The following TTC6 variants were observed in gnomAD, a reference collection of about 807,000 sequenced individuals.
The protein encoded by TTC6 is tetratricopeptide repeat protein 6.
TTC6 carries 172 observed loss-of-function variants against 210.4 expected under a neutral mutation model. The observed-to-expected ratio is 0.82, with a 90% CI of 0.72 to 0.93. The LOEUF is 0.93. Ranked by LOEUF, TTC6 falls within the 40% of genes least tolerant of loss-of-function variation. The pLI, the probability that TTC6 is intolerant of heterozygous loss-of-function variation, is 0.00. For synonymous variants in TTC6, 804 were observed against 819.6 expected, an observed-to-expected ratio of 0.98 and a Z score of 0.32; for missense variants, 2,414 against 2,318.1, an observed-to-expected ratio of 1.04 and a Z score of -0.85.
intron 29 of TTC6, 46 bp from the exon 32 acceptor site, chr14:37,841,399 T>C (rs771342580): frequency 6.6e-6 from 10 of 1,506,804 alleles, no homozygotes; most frequent in African/African-American, 2.8e-5. Context: ...AATTTCTGTA[T>C]AGTAAGTTGC....
intron 1 of TTC6, among the ~76,000 whole-genome samples, chr14:37,635,738 G>A (rs561438434): frequency 1.3e-5 from 2 of 152,204 alleles, no homozygotes; most frequent in Non-Finnish European, 2.9e-5. Context: ...CAGCACTTTG[G>A]GAGGCTGAGG....
intron 14 of TTC6, among the ~76,000 whole-genome samples, chr14:37,759,925 T>G (rs1402435496): frequency 6.6e-6 from 1 of 152,180 alleles, no homozygotes; most frequent in African/African-American, 2.4e-5. Flanking sequence ...GGTGTTTAGC[T>G]TCCTTGCATT....
At chr14:37,680,164 T>C (rs2095779997) in exon 2 of TTC6, 4 of 1,527,022 alleles carry the variant, frequency 2.6e-6, no homozygotes, top group East Asian at 4.9e-5. Context: ...ATTTCTTTAA[T>C]GGGAAAAATG....
chr14:37,791,938 T>C (rs2096080625), intron 16 of TTC6, among the ~76,000 whole-genome samples: 1 of 152,172 alleles, frequency 6.6e-6, no homozygotes, highest in African/African-American at 2.4e-5. Context: ...GTAAAGACTC[T>C]TTAGTTGAGA....
At chr14:37,781,097 A>G (rs1041991324) in intron 14 of TTC6, among the ~76,000 whole-genome samples, 4 of 152,208 alleles carry the variant, frequency 2.6e-5, no homozygotes, top group African/African-American at 4.8e-5. Flanking sequence ...ATACGTGTGC[A>G]TGTGTCTTTA....
chr14:37,699,734 T>C (rs2095821303), intron 4 of TTC6, among the ~76,000 whole-genome samples: 1 of 152,088 alleles, frequency 6.6e-6, no homozygotes, highest in Admixed American at 6.6e-5. Context: ...AGAAACTCAG[T>C]TTTGCATTGG....
At chr14:37,732,868 A>G (rs1472837922) in intron 7 of TTC6, among the ~76,000 whole-genome samples, 1 of 123,848 alleles carries the variant, frequency 8.1e-6, no homozygotes, top group East Asian at 2.4e-4. Flanking sequence ...GGCCTCCCAA[A>G]GTGCTGGACT....
chr14:37,751,260 T>C, intron 13 of TTC6, 35 bp downstream of exon 15: 1 of 1,442,092 alleles, frequency 6.9e-7, no homozygotes, highest in Non-Finnish European at 9.2e-7. Context: ...ACCATTTATA[T>C]AGTTTAGATT....
At chr14:37,822,868 CT>C (rs1274362117) in intron 26 of TTC6, among the ~76,000 whole-genome samples, 1 of 152,108 alleles carries the variant, frequency 6.6e-6, no homozygotes, top group African/African-American at 2.4e-5. Flanking sequence ...CATAATTTTC[CT>C]TTCATGTGTA....
rs1409424663 is a variant in TTC6, at chr14:37,677,250, T to C, written c.940-2901T>C. 3.3e-5 allele frequency among the ~76,000 whole-genome samples: 5 copies of C among 152,226 alleles called. No homozygotes were observed. In the East Asian group the frequency reaches 9.6e-4, roughly 29 times the overall value. On this transcript the variant is annotated intron_variant, in intron 1 of 30. Coordinates refer to ENST00000553443, the Ensembl canonical transcript of TTC6. The stretch of plus-strand genomic sequence containing the variant: ...TTTAATTTCTTTCAGCAATATTTTA[T>C]ACAAGTCTTGTGGTTTTTTGGTTAA...
At chr14:37,735,884 C>T in intron 7 of TTC6, 37 bp from the exon 10 acceptor site, 1 of 1,321,796 alleles carries the variant, frequency 7.6e-7, no homozygotes. Context: ...AAAAGTATTC[C>T]AAAACATAAT....
At chr14:37,770,928 G>C (rs1249613301) in intron 14 of TTC6, among the ~76,000 whole-genome samples, 5 of 143,162 alleles carry the variant, frequency 3.5e-5, no homozygotes, top group Non-Finnish European at 7.6e-5. Context: ...GCATGATTTT[G>C]CAGCGGCTGG....
chr14:37,608,612 T>A (rs1193962823), intron 2 of TTC6, among the ~76,000 whole-genome samples: 2 of 151,390 alleles, frequency 1.3e-5, no homozygotes, highest in Non-Finnish European at 2.9e-5. Context: ...TTGCAAGCCT[T>A]ATCTACACAA....
At chr14:37,623,747 C>G (rs34879326) in intron 1 of TTC6, among the ~76,000 whole-genome samples, 2 of 152,224 alleles carry the variant, frequency 1.3e-5, no homozygotes, top group African/African-American at 4.8e-5. Flanking sequence ...ATCCAAGACA[C>G]TGAGCTGGAA....
intron 5 of TTC6, among the ~76,000 whole-genome samples, chr14:37,706,382 ATCTCT>A (rs1376778388): frequency 6.6e-6 from 1 of 151,902 alleles, no homozygotes; most frequent in Non-Finnish European, 1.5e-5. Context: ...GTGTCTCCTC[ATCTCT>A]TGACTTCTCA....
intron 26 of TTC6, 78 bp from the exon 29 acceptor site, chr14:37,823,669 A>G: frequency 7.8e-7 from 1 of 1,284,804 alleles, no homozygotes; most frequent in Non-Finnish European, 1.1e-6. Context: ...TGGAAAAGTC[A>G]GTTATAGGAA....
chr14:37,622,348 G>C (rs1028729971), exon 1 of TTC6: 5 of 1,531,522 alleles, frequency 3.3e-6, no homozygotes, highest in Non-Finnish European at 3.5e-6. Flanking sequence ...GAGGTGCTCG[G>C]AGGCGCGCCG....
At chr14:37,713,888 A>G (rs1444155213) in intron 5 of TTC6, among the ~76,000 whole-genome samples, 4 of 152,328 alleles carry the variant, frequency 2.6e-5, no homozygotes, top group Admixed American at 2.0e-4. Context: ...TAGTATATCA[A>G]TAAGTTAGAG....
intron 1 of TTC6, among the ~76,000 whole-genome samples, chr14:37,659,740 C>T (rs558019143): frequency 4.6e-4 from 70 of 152,218 alleles, no homozygotes; most frequent in South Asian, 3.3e-3. Flanking sequence ...AGGCTGGTCT[C>T]GAACTCCTGA....
Sources: gnomAD v4.1 joint callset for allele counts (sites outside exome capture counted in the v4.1 genomes callset) on GRCh38, gnomAD v4.1.1 for gene constraint, MANE v1.5 for transcripts, NCBI Gene and HGNC (gene_info 2026-07-23, HGNC 2026-07-21) for gene names.